ANO6: variants seen among roughly 807,000 people sequenced by gnomAD.
The protein encoded by ANO6 is anoctamin 6.
ANO6 carries 106 observed loss-of-function variants against 117.5 expected under a neutral mutation model. The ratio of observed to expected loss-of-function variants is 0.90; its 90% CI spans 0.77 to 1.06. The LOEUF (loss-of-function observed/expected upper bound fraction) is 1.06, where lower values mean the gene tolerates loss of function less well. Among genes scored for constraint, ANO6 ranks in the 50% least tolerant of loss-of-function variants. The pLI, the probability that ANO6 is intolerant of heterozygous loss-of-function variation, is 0.00. For missense variants in ANO6, 955 were observed against 1,121.1 expected (o/e 0.85, Z 2.12); for synonymous variants, 367 against 385.1 (o/e 0.95, Z 0.55).
chr12:45,272,396 T>G (rs1267056220), intron 1 of ANO6, among the ~76,000 whole-genome samples: 2 of 152,200 alleles, frequency 1.3e-5, no homozygotes, highest in Non-Finnish European at 2.9e-5. Context: ...CATCAAACTT[T>G]TATAACTACC....
At chr12:45,356,378 G>C (rs1204539793) in intron 7 of ANO6, among the ~76,000 whole-genome samples, 1 of 152,002 alleles carries the variant, frequency 6.6e-6, no homozygotes, top group Non-Finnish European at 1.5e-5. Context: ...CACAGGGGTA[G>C]GGCAGTGACA....
intron 12 of ANO6, among the ~76,000 whole-genome samples, chr12:45,394,792 C>T (rs1165655062): frequency 6.6e-6 from 1 of 152,144 alleles, no homozygotes. Context: ...TTCTTTGAAA[C>T]CAATGAGAAC....
chr12:45,242,640 AC>A (rs1415335885), intron 1 of ANO6, among the ~76,000 whole-genome samples: 2 of 152,200 alleles, frequency 1.3e-5, no homozygotes, highest in Non-Finnish European at 2.9e-5. Flanking sequence ...TGCAGAAATC[AC>A]CCATCTTCTG....
At chr12:45,280,935 A>G (rs1938710547) in intron 1 of ANO6, among the ~76,000 whole-genome samples, 1 of 152,116 alleles carries the variant, frequency 6.6e-6, no homozygotes, top group Non-Finnish European at 1.5e-5. Flanking sequence ...ATATAAATGC[A>G]TGTTTACATT....
At chr12:45,264,730 T>C (rs1592892757) in intron 1 of ANO6, among the ~76,000 whole-genome samples, 1 of 152,172 alleles carries the variant, frequency 6.6e-6, no homozygotes, top group African/African-American at 2.4e-5. Context: ...TAAGATCAAA[T>C]ATACAAAAAA....
At chr12:45,296,809 C>G (rs1421696254) in intron 1 of ANO6, among the ~76,000 whole-genome samples, 2 of 152,002 alleles carry the variant, frequency 1.3e-5, no homozygotes, top group Non-Finnish European at 2.9e-5. Context: ...TCTGTGAAAA[C>G]GAGGGACAAA....
At chr12:45,266,031 G>T (rs181082576) in intron 1 of ANO6, among the ~76,000 whole-genome samples, 1 of 152,276 alleles carries the variant, frequency 6.6e-6, no homozygotes, top group Admixed American at 6.5e-5. Context: ...TCCCAGATTG[G>T]CTTAGACCCT....
chr12:45,341,623 AAGG>A (rs2137429625), intron 3 of ANO6, among the ~76,000 whole-genome samples: 1 of 152,330 alleles, frequency 6.6e-6, no homozygotes, highest in African/African-American at 2.4e-5. Context: ...GATATCAAAG[AAGG>A]TAGCCTGAAG....
chr12:45,367,458 T>C (rs1388723354), intron 8 of ANO6, among the ~76,000 whole-genome samples: 1 of 152,222 alleles, frequency 6.6e-6, no homozygotes, highest in Non-Finnish European at 1.5e-5. Context: ...GAAACAGTGA[T>C]AGCAGAATCT....
intron 2 of ANO6, among the ~76,000 whole-genome samples, chr12:45,313,777 A>G (rs1308827998): frequency 6.6e-6 from 1 of 152,126 alleles, no homozygotes; most frequent in Non-Finnish European, 1.5e-5. Context: ...CAACCTATCA[A>G]TAAATAAATA....
intron 10 of ANO6, among the ~76,000 whole-genome samples, chr12:45,379,946 A>G (rs1942127462): frequency 6.6e-6 from 1 of 152,158 alleles, no homozygotes; most frequent in African/African-American, 2.4e-5. Context: ...TTTGAGAACT[A>G]CTGCTGTGAA....
intron 1 of ANO6, among the ~76,000 whole-genome samples, chr12:45,297,429 C>G (rs536156967): frequency 6.6e-6 from 1 of 152,238 alleles, no homozygotes; most frequent in East Asian, 1.9e-4. Context: ...GACAATGGCT[C>G]TTTTTATTGG....
chr12:45,412,888 G>T (rs1453074339), intron 16 of ANO6, among the ~76,000 whole-genome samples: 6 of 152,164 alleles, frequency 3.9e-5, no homozygotes, highest in Non-Finnish European at 1.5e-5. Flanking sequence ...GATTTTGAAG[G>T]GTGAATGGAA....
chr12:45,418,505 G>A (rs1943271335), intron 17 of ANO6, among the ~76,000 whole-genome samples: 1 of 152,190 alleles, frequency 6.6e-6, no homozygotes, highest in East Asian at 1.9e-4. Flanking sequence ...CACTAAGCTG[G>A]ACAAGAACAT....
At chr12:45,350,400 C>A (rs1247639362) in intron 6 of ANO6, among the ~76,000 whole-genome samples, 1 of 152,058 alleles carries the variant, frequency 6.6e-6, no homozygotes, top group East Asian at 1.9e-4. Flanking sequence ...TCTCTGGGGC[C>A]CTCACAGAGT....
At chr12:45,300,394 G>A (rs1157707140) in intron 1 of ANO6, among the ~76,000 whole-genome samples, 1 of 152,108 alleles carries the variant, frequency 6.6e-6, no homozygotes, top group Non-Finnish European at 1.5e-5. Flanking sequence ...TCCCAGGCTG[G>A]TCTCAAACTC....
intron 1 of ANO6, among the ~76,000 whole-genome samples, chr12:45,222,173 G>A (rs970763602): frequency 2.8e-5 from 4 of 145,450 alleles, no homozygotes; most frequent in Admixed American, 6.9e-5. Flanking sequence ...GAGCCACCAC[G>A]CCCGGCCCCC....
chr12:45,216,643 C>T lies in ANO6; in HGVS notation c.70+252C>T, dbSNP rs11612203. ...CTCCTGACGGGCGGGGGATGCTGCC[C>T]CTGAAAAGCCTGGCAGCTGCGGGGA... On this transcript the variant is annotated intron_variant, in intron 1 of 19. Coordinates refer to ENST00000320560, the MANE Select transcript of ANO6 (RefSeq NM_001025356.3). Among the ~76,000 whole-genome samples, 8,929 of 152,262 alleles carry T rather than the reference C, an allele frequency of 0.059. 490 individuals are homozygous for T. Among genetic ancestry groups the T allele is most frequent in the East Asian group, 0.3 (1,531 of 5,138 alleles).
intron 1 of ANO6, among the ~76,000 whole-genome samples, chr12:45,265,013 A>T (rs752344195): frequency 1.3e-5 from 2 of 152,208 alleles, no homozygotes; most frequent in Non-Finnish European, 2.9e-5. Flanking sequence ...TCTGTCATTT[A>T]TGAGTGAAAG....
Sources: gnomAD v4.1 joint callset for allele counts (sites outside exome capture counted in the v4.1 genomes callset) on GRCh38, gnomAD v4.1.1 for gene constraint, MANE v1.5 for transcripts, NCBI Gene and HGNC (gene_info 2026-07-23, HGNC 2026-07-21) for gene names.